Variants in DLGAP5 observed in about 807,000 individuals in gnomAD.
DLGAP5 encodes the protein DLG associated protein 5, also known as disks large-associated protein 5.
A neutral mutation model predicts 99.6 loss-of-function variants in DLGAP5; 90 were observed. The observed-to-expected ratio is 0.90, with a 90% CI of 0.76 to 1.08. DLGAP5 has a LOEUF of 1.08. Among genes scored for constraint, DLGAP5 ranks in the 50% least tolerant of loss-of-function variants. DLGAP5 has a pLI of 0.00. For missense variants in DLGAP5, 1,036 were observed against 983.5 expected (o/e 1.05, Z -0.71); for synonymous variants, 311 against 321.3 (o/e 0.97, Z 0.34).
chr14:55,169,355 A>C, intron 12 of DLGAP5, 44 bp downstream of exon 12: 1 of 1,357,912 alleles, frequency 7.4e-7, no homozygotes, highest in South Asian at 1.9e-5. Context: ...AAAAAAAAAA[A>C]AAAAAGCCCT....
chr14:55,181,318 T>C, intron 4 of DLGAP5, 21 bp from the exon 5 acceptor site: 1 of 1,595,268 alleles, frequency 6.3e-7, no homozygotes, highest in Non-Finnish European at 8.6e-7. Flanking sequence ...GATTAGGTGC[T>C]ATGTGATTTA....
At chr14:55,178,268 T>C (rs1345195238) in intron 7 of DLGAP5, among the ~76,000 whole-genome samples, 1 of 151,926 alleles carries the variant, frequency 6.6e-6, no homozygotes, top group Non-Finnish European at 1.5e-5. Flanking sequence ...AAAATTATGT[T>C]GATAATTACA....
At chr14:55,182,656 G>GT (rs1253064228) in intron 3 of DLGAP5, among the ~76,000 whole-genome samples, 1 of 152,050 alleles carries the variant, frequency 6.6e-6, no homozygotes, top group Non-Finnish European at 1.5e-5. Flanking sequence ...ATTTCAAACC[G>GT]TATTTTCCAG....
At chr14:55,174,315 C>G (rs1268699276) in intron 10 of DLGAP5, among the ~76,000 whole-genome samples, 1 of 152,186 alleles carries the variant, frequency 6.6e-6, no homozygotes, top group Admixed American at 6.6e-5. Context: ...AACCCTGTCT[C>G]CTGATAAGAT....
chr14:55,171,314 G>T (rs2140318745), intron 10 of DLGAP5, among the ~76,000 whole-genome samples: 2 of 152,222 alleles, frequency 1.3e-5, no homozygotes, highest in Middle Eastern at 3.4e-3. Flanking sequence ...AAATATTTTT[G>T]ATTGTCATGA....
chr14:55,190,289 T>TACACACACACACACAC lies in DLGAP5; in HGVS notation c.-1-1125_-1-1110dup, dbSNP rs142940996. ...TATAAATTTTAAAAAAGAAAAGCCA[T>TACACACACACACACAC]ACACACACACACACACACACACACA... On this transcript the variant is annotated intron_variant, in intron 1 of 18. Coordinates refer to ENST00000247191, the MANE Select transcript of DLGAP5 (RefSeq NM_014750.5). 5.7e-3 allele frequency among the ~76,000 whole-genome samples: 838 copies of TACACACACACACACAC among 147,384 alleles called. 11 individuals carry two copies. The highest frequency in any genetic ancestry group is 0.02 in the African/African-American group (795 of 40,034).
At chr14:55,188,176 C>G (rs1883490548) in intron 2 of DLGAP5, among the ~76,000 whole-genome samples, 1 of 152,170 alleles carries the variant, frequency 6.6e-6, no homozygotes, top group Non-Finnish European at 1.5e-5. Flanking sequence ...TGCCATCTAG[C>G]TCCTAACGCC....
chr14:55,186,406 A>G (rs1883437878), intron 2 of DLGAP5, among the ~76,000 whole-genome samples: 1 of 152,258 alleles, frequency 6.6e-6, no homozygotes. Context: ...TTTGTTTCAA[A>G]GAGGTCTTTT....
chr14:55,151,053 C>A (rs1881999340), intron 17 of DLGAP5, among the ~76,000 whole-genome samples: 1 of 152,174 alleles, frequency 6.6e-6, no homozygotes, highest in Non-Finnish European at 1.5e-5. Flanking sequence ...GTAAACAAAT[C>A]TCATGCTTGT....
chr14:55,169,660 A>C (rs1882783310), intron 11 of DLGAP5, 101 bp from the exon 12 acceptor site: 1 of 1,051,244 alleles, frequency 9.5e-7, no homozygotes, highest in Non-Finnish European at 1.3e-6. Flanking sequence ...CCTAGGGCCT[A>C]CAGGTTGTTA....
At chr14:55,170,616 T>G in intron 11 of DLGAP5, 86 bp downstream of exon 11, 1 of 1,155,938 alleles carries the variant, frequency 8.7e-7, no homozygotes, top group East Asian at 2.4e-5. Flanking sequence ...ACAATAAAGT[T>G]AGGCAATGCT....
At chr14:55,162,608 G>T (rs1347720386) in intron 13 of DLGAP5, among the ~76,000 whole-genome samples, 1 of 125,938 alleles carries the variant, frequency 7.9e-6, no homozygotes, top group Non-Finnish European at 1.6e-5. Context: ...GATAGAGCGG[G>T]ATTCCATCTC....
intron 15 of DLGAP5, 146 bp downstream of exon 15, chr14:55,154,471 T>C (rs1303055521): frequency 4.5e-6 from 3 of 671,362 alleles, no homozygotes; most frequent in Admixed American, 2.9e-5. Context: ...TCCTCATTTA[T>C]AAAAAGGGAG....
rs1159528677 is a variant in DLGAP5, at chr14:55,182,394, G to A, written c.471C>T (p.Ala157=). The A allele has an allele frequency of 1.2e-6, 2 of 1,612,526 alleles. No individual in the cohort carries two copies. The highest frequency in any genetic ancestry group is 2.7e-5 in the African/African-American group (2 of 74,826). The change falls in exon 4 of 19, where the codon GCC becomes GCT. Residue 157 remains alanine (A), a synonymous_variant. Coordinates refer to ENST00000247191, the MANE Select transcript of DLGAP5 (RefSeq NM_014750.5). ...CCTTAGTCTGCTCCATTTGGTCTTT[G>A]GCCTTTGACCTTGTAATCCGTACAG... ...PSSVRITRSK[A]KDQMEQTKID...
intron 10 of DLGAP5, among the ~76,000 whole-genome samples, chr14:55,175,128 A>G (rs1450635224): frequency 6.6e-6 from 1 of 152,262 alleles, no homozygotes; most frequent in African/African-American, 2.4e-5. Flanking sequence ...GTTGGGTCAC[A>G]GTGCTGAGAA....
At chr14:55,189,700 A>C (rs1222230783) in intron 1 of DLGAP5, among the ~76,000 whole-genome samples, 1 of 152,224 alleles carries the variant, frequency 6.6e-6, no homozygotes, top group African/African-American at 2.4e-5. Flanking sequence ...AGTATGTGGA[A>C]AGGAACAAGG....
At chr14:55,180,618 C>G in intron 6 of DLGAP5, 38 bp downstream of exon 6, 1 of 1,609,892 alleles carries the variant, frequency 6.2e-7, no homozygotes, top group Non-Finnish European at 8.5e-7. Flanking sequence ...AAGGACCAAA[C>G]ATTCTAGTTC....
At chr14:55,160,393 T>TAAA (rs771493094) in intron 13 of DLGAP5, among the ~76,000 whole-genome samples, 3 of 124,602 alleles carry the variant, frequency 2.4e-5, no homozygotes, top group Non-Finnish European at 5.2e-5. Context: ...AGACTCTATA[T>TAAA]AAAAAAAAAA....
At chr14:55,179,297 C>G (rs554510875) in intron 7 of DLGAP5, among the ~76,000 whole-genome samples, 1 of 152,274 alleles carries the variant, frequency 6.6e-6, no homozygotes, top group East Asian at 1.9e-4. Flanking sequence ...TATTCAAACC[C>G]AGGCCTAAAT....
Sources: gnomAD v4.1 joint callset for allele counts (sites outside exome capture counted in the v4.1 genomes callset) on GRCh38, gnomAD v4.1.1 for gene constraint, MANE v1.5 for transcripts, NCBI Gene and HGNC (gene_info 2026-07-23, HGNC 2026-07-21) for gene names.